ZCCHC8: variants seen among roughly 807,000 people sequenced by gnomAD.
The protein encoded by ZCCHC8 is zinc finger CCHC-type containing 8, also known as zinc finger CCHC domain-containing protein 8.
A neutral mutation model predicts 70.6 loss-of-function variants in ZCCHC8; 27 were observed. The observed-to-expected ratio is 0.38, with a 90% confidence interval of 0.28 to 0.53. The LOEUF (loss-of-function observed/expected upper bound fraction) is 0.53. ZCCHC8 is among the 20% of genes least tolerant of loss of function. ZCCHC8 has a pLI of 0.81. For synonymous variants in ZCCHC8, 293 were observed against 317.4 expected, an observed-to-expected ratio of 0.92 and a Z score of 0.82; for missense variants, 737 against 876.9, an observed-to-expected ratio of 0.84 and a Z score of 2.01.
intron 2 of ZCCHC8, among the ~76,000 whole-genome samples, chr12:122,495,948 A>C (rs1566306196): frequency 6.7e-6 from 1 of 150,034 alleles, no homozygotes; most frequent in Non-Finnish European, 1.5e-5. Context: ...CAGGAGGATC[A>C]CTTGAGCCTA....
In ZCCHC8 at chr12:122,473,963, G is replaced by C; in HGVS notation, c.1658C>G (p.Ser553Cys). 1 of 1,606,376 alleles carries C rather than the reference G, an allele frequency of 6.2e-7. No homozygotes were observed. ...VPVDTPLTGN[S>C]VASSPCPNEL... ...ATTTGGACAAGGTGATGAGGCAACGGAATTGCCAGTTAAAGGTGTGTCCAC... is the reference window on the plus strand; with the variant it reads ...ATTTGGACAAGGTGATGAGGCAACGCAATTGCCAGTTAAAGGTGTGTCCAC... Residue 553 changes from serine (S) to cysteine (C), a missense_variant, in exon 14 of 14, where the codon TCC becomes TGC. By Grantham distance (112) the Ser-to-Cys change is moderately radical. Transcript: ENST00000633063.
In ZCCHC8 at chr12:122,483,476, C is replaced by A; in HGVS notation, c.589G>T (p.Gly197Ter). ...GTAGGATACTTGGGTATTTCCCATCCTTCGGAAAGCTGAGGGTTTTCATTT... is the reference window on the plus strand; with the variant it reads ...GTAGGATACTTGGGTATTTCCCATCATTCGGAAAGCTGAGGGTTTTCATTT... ...LLNENPQLSEGWEIPKYHQVF... is the reference protein window; with the variant it reads ...LLNENPQLSE The change falls in exon 6 of 14, where the codon GGA becomes TGA. Residue 197 changes from glycine to a stop codon, truncating the protein, a stop_gained. Coordinates refer to ENST00000633063, the MANE Select transcript of ZCCHC8 (RefSeq NM_017612.5). LOFTEE classifies it high-confidence loss of function. The surrounding 1 kb of genome is among the most constrained non-coding windows in gnomAD (Gnocchi z 4.4). 6.3e-7 allele frequency: 1 copy of A among 1,593,076 alleles called. No individual in the cohort carries two copies. Among genetic ancestry groups the A allele is most frequent in the Non-Finnish European group, 8.6e-7 (1 of 1,168,480 alleles).
At chr12:122,488,177 G>A (rs540810054) in intron 5 of ZCCHC8, among the ~76,000 whole-genome samples, 17 of 152,048 alleles carry the variant, frequency 1.1e-4, no homozygotes, top group African/African-American at 4.1e-4. Context: ...GACTACAGGT[G>A]TGCACCACCA....
In ZCCHC8 at chr12:122,478,271, T is replaced by C. The variant is rs371516498; in HGVS notation, c.1162A>G (p.Ile388Val). 2 of 1,599,084 alleles carry C rather than the reference T, an allele frequency of 1.3e-6. No individual in the cohort carries two copies. Among genetic ancestry groups the C allele is most frequent in the African/African-American group, 1.3e-5 (1 of 74,512 alleles). ...TTCTGCTGACATGCCTGCATTGGTATGGAACCAAAGATCCTCCATTCCTAA... is the reference window on the plus strand; with the variant it reads ...TTCTGCTGACATGCCTGCATTGGTACGGAACCAAAGATCCTCCATTCCTAA... The part of the protein sequence containing the change: ...IPDEWRIFGS[I>V]PMQACQQKDV... Residue 388 changes from isoleucine to valine, a missense_variant, in exon 12 of 14, where the codon ATA becomes GTA. Transcript: ENST00000633063.
chr12:122,492,400 C>A (rs1281372682), intron 3 of ZCCHC8, among the ~76,000 whole-genome samples: 1 of 152,174 alleles, frequency 6.6e-6, no homozygotes, highest in Admixed American at 6.5e-5. Flanking sequence ...ATTTATTGAG[C>A]TCTTAGAGGT....
intron 3 of ZCCHC8, 143 bp from the exon 4 acceptor site, chr12:122,490,710 G>C (rs895609986): frequency 1.4e-5 from 7 of 509,046 alleles, no homozygotes; most frequent in Non-Finnish European, 2.4e-5. Context: ...GTAATACTCA[G>C]GAACATATTC....
intron 8 of ZCCHC8, 122 bp downstream of exon 8, chr12:122,482,513 G>C: frequency 1.7e-6 from 1 of 603,508 alleles, no homozygotes; most frequent in Non-Finnish European, 2.7e-6. Context: ...CAAATTAAAG[G>C]ACACAAGATT....
chr12:122,489,262 A>G, intron 5 of ZCCHC8, 124 bp downstream of exon 5: 1 of 828,120 alleles, frequency 1.2e-6, no homozygotes, highest in South Asian at 2.3e-5. Flanking sequence ...TATTTACCAC[A>G]AAAAGATGCT....
Position 122,483,166 on chromosome 12 carries a change from G to T in ZCCHC8, c.671+113C>A. On this transcript the variant is annotated intron_variant, in intron 7 of 13. Coordinates refer to ENST00000633063, the MANE Select transcript of ZCCHC8 (RefSeq NM_017612.5). The surrounding 1 kb of genome is among the most constrained non-coding windows in gnomAD (Gnocchi z 4.4). ...ATGGATTAAAATTCTAGCTCAATCTGTAATTAACCTTAGAGTAAACCAGCA... is the reference window on the plus strand; with the variant it reads ...ATGGATTAAAATTCTAGCTCAATCTTTAATTAACCTTAGAGTAAACCAGCA... 1 of 938,840 alleles carries T rather than the reference G, an allele frequency of 1.1e-6. No homozygotes were observed. Among genetic ancestry groups the T allele is most frequent in the Non-Finnish European group, 1.6e-6 (1 of 622,002 alleles). The allele number at this position is 938,840 out of a possible 1,614,324, so 58.2% of individuals were successfully genotyped here.
intron 13 of ZCCHC8, among the ~76,000 whole-genome samples, chr12:122,477,160 C>T (rs1231825130): frequency 4.2e-5 from 6 of 143,306 alleles, no homozygotes; most frequent in Admixed American, 2.8e-4. Context: ...AATTCATGAT[C>T]TTTTTTTTTT....
At chr12:122,475,717 G>C (rs187564555) in intron 13 of ZCCHC8, among the ~76,000 whole-genome samples, 1 of 152,264 alleles carries the variant, frequency 6.6e-6, no homozygotes, top group East Asian at 1.9e-4. Context: ...ACCGCTGCCA[G>C]ATTCATCACA....
Position 122,483,306 on chromosome 12 carries a change from C to A in ZCCHC8, c.644G>T (p.Gly215Val), listed in dbSNP as rs1957572527. The A allele has an allele frequency of 6.9e-6, 11 of 1,600,044 alleles. No individual in the cohort carries two copies. Among genetic ancestry groups the A allele is most frequent in the African/African-American group, 1.3e-5 (1 of 74,666 alleles). Residue 215 changes from glycine (G) to valine (V), a missense_variant, in exon 7 of 14, where the codon GGG becomes GTG. Coordinates refer to ENST00000633063, the MANE Select transcript of ZCCHC8 (RefSeq NM_017612.5). This position sits in a 1 kb window ranked among gnomAD's most constrained non-coding sequence, Gnocchi z 4.4. ...TTTTGCCTTTACTTGTATTTCTTGC[C>A]CTTCTAGAGAAACAATGTGGCTGAA... The part of the protein sequence containing the change: ...QVFSHIVSLE[G>V]QEIQVKAKRP...
chr12:122,488,748 G>C (rs1957689074), intron 5 of ZCCHC8, among the ~76,000 whole-genome samples: 1 of 151,590 alleles, frequency 6.6e-6, no homozygotes, highest in Non-Finnish European at 1.5e-5. Context: ...GCGGGTGCCT[G>C]TAATCCCAGC....
chr12:122,473,303 G>A lies in ZCCHC8; in HGVS notation c.*194C>T, dbSNP rs1027051405. The A allele has an allele frequency of 1.8e-5, 11 of 625,470 alleles. No individual in the cohort carries two copies. The highest frequency in any genetic ancestry group is 3.1e-5 in the Admixed American group (1 of 32,216). The allele number at this position is 625,470 out of a possible 1,614,324, so 38.7% of individuals were successfully genotyped here. A position where few individuals can be genotyped will look rare whatever the true frequency, so the allele number is the denominator to read the frequency against. On this transcript the variant is annotated 3_prime_UTR_variant, in exon 14 of 14. Transcript: ENST00000633063. ...ATATTCACATCTCCCCCCAAGTTTTGTCAGTGAGAATAAAATATACTGAAC... is the reference window on the plus strand; with the variant it reads ...ATATTCACATCTCCCCCCAAGTTTTATCAGTGAGAATAAAATATACTGAAC...
At chr12:122,482,202 A>G in intron 8 of ZCCHC8, 115 bp from the exon 9 acceptor site, 1 of 1,161,782 alleles carries the variant, frequency 8.6e-7, no homozygotes, top group South Asian at 2.0e-5. Flanking sequence ...GTTTTAATGT[A>G]TAACGAACAA....
chr12:122,497,745 A>C (rs940996977), intron 2 of ZCCHC8, among the ~76,000 whole-genome samples: 4 of 151,918 alleles, frequency 2.6e-5, no homozygotes, highest in Non-Finnish European at 5.9e-5. Flanking sequence ...ATGGTGGCTC[A>C]TCCCTGTAAT....
chr12:122,494,626 C>T (rs940749281), intron 2 of ZCCHC8, among the ~76,000 whole-genome samples: 20 of 151,668 alleles, frequency 1.3e-4, no homozygotes, highest in African/African-American at 4.1e-4. Flanking sequence ...GAGGCCGAGG[C>T]GGGTGGATCA....
At chr12:122,490,381 T>C (rs1957723615) in intron 4 of ZCCHC8, 81 bp downstream of exon 4, 1 of 1,157,100 alleles carries the variant, frequency 8.6e-7, no homozygotes. Flanking sequence ...TTGGTTTTGA[T>C]TCAAGAGGAT....
In ZCCHC8 at chr12:122,483,527, G is replaced by A; in HGVS notation, c.538C>T (p.Leu180Phe). 3 of 1,591,486 alleles carry A rather than the reference G, an allele frequency of 1.9e-6. No individual in the cohort carries two copies. The highest frequency in any genetic ancestry group is 1.7e-6 in the Non-Finnish European group (2 of 1,167,662). Residue 180 changes from leucine to phenylalanine, a missense_variant, in exon 6 of 14, where the codon CTT (leucine) becomes TTT (phenylalanine). Transcript: ENST00000633063. This position sits in a 1 kb window ranked among gnomAD's most constrained non-coding sequence, Gnocchi z 4.4. The stretch of plus-strand genomic sequence containing the variant: ...AGAAGCGGTTGCCCCAATTTATCAA[G>A]GCAAAAATTAGTAAAATACAGGACA... ...GSVLYFTNFC[L>F]DKLGQPLLNE...
Sources: allele counts gnomAD v4.1 joint callset (sites outside exome capture counted in the v4.1 genomes callset), GRCh38; gene constraint gnomAD v4.1.1; non-coding constraint Gnocchi (gnomAD v3.1); transcripts MANE v1.5; gene names NCBI Gene and HGNC (gene_info 2026-07-23, HGNC 2026-07-21).